Variants in ANKS1B observed in about 807,000 individuals in gnomAD.
ANKS1B encodes the protein ankyrin repeat and sterile alpha motif domain-containing protein 1B.
Under a neutral mutation model 148.3 loss-of-function variants are expected in ANKS1B, and 36 were observed. That is an observed-to-expected ratio of 0.24 (90% CI 0.19 to 0.32). The LOEUF is 0.32. ANKS1B is among the 10% of genes least tolerant of loss of function. ANKS1B has a pLI of 1.00. For missense variants in ANKS1B, 1,157 were observed against 1,542.6 expected, an observed-to-expected ratio of 0.75 and a Z score of 4.19; for synonymous variants, 542 against 560.8, an observed-to-expected ratio of 0.97 and a Z score of 0.47.
chr12:99,219,651 GTCAAC>G (rs1457306137), intron 14 of ANKS1B, among the ~76,000 whole-genome samples: 2 of 152,206 alleles, frequency 1.3e-5, no homozygotes, highest in East Asian at 1.9e-4. Flanking sequence ...CACAATGACA[GTCAAC>G]TCAACTCTCC....
chr12:99,952,952 C>A (rs1162127472), intron 1 of ANKS1B, among the ~76,000 whole-genome samples: 2 of 152,160 alleles, frequency 1.3e-5, no homozygotes, highest in Admixed American at 6.5e-5. Flanking sequence ...GGTCTATAGA[C>A]ACTCTCTCCA....
intron 17 of ANKS1B, among the ~76,000 whole-genome samples, chr12:98,907,005 CTG>C (rs59857138): frequency 0.063 from 9,223 of 145,598 alleles, 324 homozygotes; most frequent in Middle Eastern, 0.094. Flanking sequence ...CATAGTTACT[CTG>C]TGTGTGTGTG....
At chr12:99,952,862 T>A (rs1331601143) in intron 1 of ANKS1B, among the ~76,000 whole-genome samples, 1 of 152,218 alleles carries the variant, frequency 6.6e-6, no homozygotes, top group African/African-American at 2.4e-5. Flanking sequence ...AATTTCTTTA[T>A]CCTTATAAGT....
At chr12:98,824,239 A>G (rs1480384274) in intron 19 of ANKS1B, among the ~76,000 whole-genome samples, 2 of 152,218 alleles carry the variant, frequency 1.3e-5, no homozygotes, top group East Asian at 3.8e-4. Context: ...ATCCCTCTGC[A>G]TCGTGATATA....
chr12:99,886,747 A>C (rs1271535524), intron 1 of ANKS1B, among the ~76,000 whole-genome samples: 1 of 152,228 alleles, frequency 6.6e-6, no homozygotes, highest in East Asian at 1.9e-4. Flanking sequence ...TCAAATTAAC[A>C]AATTAGTTGA....
At chr12:98,835,690 C>G (rs1036130586) in intron 17 of ANKS1B, among the ~76,000 whole-genome samples, 2 of 152,208 alleles carry the variant, frequency 1.3e-5, no homozygotes, top group South Asian at 4.1e-4. Context: ...CTGTCTCCTC[C>G]ATAGAGCTAC....
intron 1 of ANKS1B, among the ~76,000 whole-genome samples, chr12:99,900,394 T>G (rs1017706740): frequency 6.7e-6 from 1 of 149,970 alleles, no homozygotes; most frequent in Non-Finnish European, 1.5e-5. Context: ...TAGTCCCAGC[T>G]ACTCAGGAGG....
chr12:99,648,527 C>G, intron 9 of ANKS1B: 2 of 1,614,164 alleles, frequency 1.2e-6, no homozygotes, highest in Non-Finnish European at 1.7e-6. Context: ...TTAGAACTAA[C>G]CAGGCTGCTT....
intron 17 of ANKS1B, among the ~76,000 whole-genome samples, chr12:98,901,575 T>A (rs76463989): frequency 0.015 from 2,225 of 152,360 alleles, 23 homozygotes; most frequent in Non-Finnish European, 0.025. Flanking sequence ...ATCATGACAT[T>A]GTGGAACTTT....
chr12:98,881,432 C>A lies in ANKS1B; in HGVS notation c.2779-49296G>T, dbSNP rs188295890. 3.2e-4 allele frequency among the ~76,000 whole-genome samples: 48 copies of A among 152,234 alleles called. No homozygotes were observed. The East Asian group carries it at 7.7e-3, about 24-fold the overall frequency. The stretch of plus-strand genomic sequence containing the variant: ...AACTGTTTTCTATATAAATTGGCTT[C>A]CTGGTATGCTGACTTGTAATGACAG... On this transcript the variant is annotated intron_variant, in intron 17 of 26. Transcript: ENST00000683438.
Position 99,519,785 on chromosome 12 carries a change from C to T in ANKS1B, c.1273-15144G>A, listed in dbSNP as rs145716844. 2.0e-3 allele frequency among the ~76,000 whole-genome samples: 300 copies of T among 152,084 alleles called. 1 individual carries two copies. The highest frequency in any genetic ancestry group is 6.9e-3 in the African/African-American group (287 of 41,506). ...TTAGTGAAAGTGATTTTCTCTGGTG[C>T]TATGATTTAATTTCTTCCTTTTTAT... On this transcript the variant is annotated intron_variant, in intron 9 of 26. Coordinates refer to ENST00000683438, the MANE Select transcript of ANKS1B (RefSeq NM_001352186.2).
chr12:98,745,266 T>C lies in ANKS1B; in HGVS notation c.*473A>G, dbSNP rs2097854781. On this transcript the variant is annotated 3_prime_UTR_variant, in exon 27 of 27. Transcript: ENST00000683438. The stretch of plus-strand genomic sequence containing the variant: ...CATTAAACGATACTCAATGATAGAA[T>C]GATTTTACAGATGCTTTGGAGGTGG... The C allele has an allele frequency of 1.0e-6, 1 of 985,880 alleles. No homozygotes were observed. Among genetic ancestry groups the C allele is most frequent in the Non-Finnish European group, 1.2e-6 (1 of 830,020 alleles). 61.1% of individuals were successfully genotyped at this position (985,880 alleles called of 1,614,324 possible). A position where few individuals can be genotyped will look rare whatever the true frequency, so the allele number is the denominator to read the frequency against.
chr12:99,330,355 G>C (rs777579006), intron 12 of ANKS1B, among the ~76,000 whole-genome samples: 5 of 151,870 alleles, frequency 3.3e-5, no homozygotes, highest in Non-Finnish European at 7.4e-5. Flanking sequence ...AAGAGAAATG[G>C]AAGATTCCTA....
chr12:98,810,427 G>A (rs557816271), intron 19 of ANKS1B, among the ~76,000 whole-genome samples: 15 of 152,272 alleles, frequency 9.9e-5, no homozygotes, highest in Non-Finnish European at 1.8e-4. Context: ...GAATATATGT[G>A]TTTAGCTAAT....
rs376898328 is a variant in ANKS1B, at chr12:98,810,998, C to T, written c.3067-3080G>A. Among the ~76,000 whole-genome samples the T allele has an allele frequency of 2.9e-4, 44 of 152,298 alleles. No homozygotes were observed. In the East Asian group the frequency reaches 6.4e-3, roughly 22 times the overall value. On this transcript the variant is annotated intron_variant, in intron 19 of 26. Coordinates refer to ENST00000683438, the MANE Select transcript of ANKS1B (RefSeq NM_001352186.2). Reference sequence around the variant, plus strand: ...TCCCTGCCCCAAGCTCTACCTACTTCATGTGTTTAGTTGGGGAGGAAGAAA... The same window carrying T: ...TCCCTGCCCCAAGCTCTACCTACTTTATGTGTTTAGTTGGGGAGGAAGAAA...
intron 8 of ANKS1B, among the ~76,000 whole-genome samples, chr12:99,737,307 T>C (rs1032306018): frequency 1.3e-5 from 2 of 152,108 alleles, no homozygotes; most frequent in Admixed American, 6.6e-5. Context: ...AACGGATGAA[T>C]GGATAAAGAA....
intron 9 of ANKS1B, among the ~76,000 whole-genome samples, chr12:99,554,380 T>C (rs998350538): frequency 9.2e-5 from 14 of 152,110 alleles, no homozygotes; most frequent in Non-Finnish European, 2.1e-4. Flanking sequence ...ACAGTCTTTC[T>C]CTCCCACGTT....
chr12:99,372,405 T>C (rs1187811463), intron 12 of ANKS1B, among the ~76,000 whole-genome samples: 1 of 152,128 alleles, frequency 6.6e-6, no homozygotes, highest in Non-Finnish European at 1.5e-5. Context: ...AGGGTTCTTA[T>C]CATGCTGTGT....
chr12:99,596,172 C>A (rs893249243), intron 9 of ANKS1B, among the ~76,000 whole-genome samples: 1 of 151,562 alleles, frequency 6.6e-6, no homozygotes, highest in African/African-American at 2.4e-5. Flanking sequence ...TTAAAAAAAA[C>A]AAAAATTTCC....
Sources: allele counts gnomAD v4.1 joint callset (sites outside exome capture counted in the v4.1 genomes callset), GRCh38; gene constraint gnomAD v4.1.1; transcripts MANE v1.5; gene names NCBI Gene and HGNC (gene_info 2026-07-23, HGNC 2026-07-21).